AP4S1: variants seen among roughly 807,000 people sequenced by gnomAD.
The protein encoded by AP4S1 is adaptor related protein complex 4 subunit sigma 1, also known as AP-4 complex subunit sigma-1.
A neutral mutation model predicts 19.8 loss-of-function variants in AP4S1; 23 were observed. The ratio of observed to expected loss-of-function variants is 1.16; its 90% CI spans 0.84 to 1.65. The LOEUF (loss-of-function observed/expected upper bound fraction) is 1.65. Among genes scored for constraint, AP4S1 ranks in the 40% most tolerant of loss-of-function variants. AP4S1 has a pLI of 0.00. For missense variants in AP4S1, 166 were observed against 172.8 expected (o/e 0.96, Z 0.22); for synonymous variants, 46 against 54.1 (o/e 0.85, Z 0.66).
In AP4S1 at chr14:31,066,202, A is replaced by T. The variant is rs886622969; in HGVS notation, c.6A>T (p.Ile2=). 9.9e-6 allele frequency: 16 copies of T among 1,613,834 alleles called. No individual in the cohort carries two copies. Among genetic ancestry groups the T allele is most frequent in the Non-Finnish European group, 1.3e-5 (15 of 1,179,946 alleles). ...ATACTGGCCAGGAAAGAAAAATGAT[A>T]AAATTTTTCCTCATGGTGAATAAAC... is the stretch of plus-strand genomic sequence containing the variant. M[I]KFFLMVNKQG... is the part of the protein sequence containing the mutation. Residue 2 remains isoleucine (I), a synonymous_variant, in exon 2 of 6, where the codon ATA becomes ATT. Transcript: ENST00000542754.
upstream of AP4S1, chr14:31,025,596 A>G (rs1883795921): frequency 2.2e-6 from 1 of 460,654 alleles, no homozygotes; most frequent in Non-Finnish European, 4.0e-6. Flanking sequence ...GCTCGGTCCC[A>G]AGCCCCGGAG....
chr14:31,037,071 G>A lies in AP4S1; in HGVS notation c.-72+11284G>A, dbSNP rs111991169. ...TTCTGATCTGCCTGCCTCGGCCTCC[G>A]AAAGTGCTGGGATTACAGGTGTCAG... is the stretch of plus-strand genomic sequence containing the variant. On this transcript the variant is annotated intron_variant, in intron 1 of 5. Transcript: ENST00000542754. Among the ~76,000 whole-genome samples, 15 of 151,692 alleles carry A rather than the reference G, an allele frequency of 9.9e-5. 1 individual carries two copies. The highest frequency in any genetic ancestry group is 2.2e-4 in the African/African-American group (9 of 41,316).
At chr14:31,032,088 A>G (rs926924803) in intron 1 of AP4S1, among the ~76,000 whole-genome samples, 49 of 151,530 alleles carry the variant, frequency 3.2e-4, no homozygotes, top group African/African-American at 1.1e-3. Context: ...AAAAAAAAAA[A>G]AAAGAAAAAA....
intron 5 of AP4S1, chr14:31,085,157 C>G (rs1887864927): frequency 1.6e-6 from 2 of 1,224,160 alleles, no homozygotes; most frequent in Non-Finnish European, 2.1e-6. Flanking sequence ...CTTTCCCCAT[C>G]ATGGGGCAGA....
At position 31,072,925 on chromosome 14, in the gene AP4S1, A is replaced by G. The variant is rs1887093159; in HGVS notation, c.246A>G (p.Glu82=). The G allele has an allele frequency of 6.2e-7, 1 of 1,613,710 alleles. No individual in the cohort carries two copies. The highest frequency in any genetic ancestry group is 8.5e-7 in the Non-Finnish European group (1 of 1,179,668). The change falls in exon 4 of 6, where the codon GAA becomes GAG. Residue 82 remains glutamate, a synonymous_variant. Transcript: ENST00000542754. ...TGTAGAACGAGATGGCTATTTATGAATTCATTCATAACTTTGTGGAAGTTT... is the reference window on the plus strand; with the variant it reads ...TGTAGAACGAGATGGCTATTTATGAGTTCATTCATAACTTTGTGGAAGTTT... ...NDTENEMAIY[E]FIHNFVEVLD...
At chr14:31,031,602 T>C (rs1884391915) in intron 1 of AP4S1, among the ~76,000 whole-genome samples, 1 of 152,216 alleles carries the variant, frequency 6.6e-6, no homozygotes, top group African/African-American at 2.4e-5. Context: ...TGGAAAAATA[T>C]TTTGTAAACT....
intron 1 of AP4S1, among the ~76,000 whole-genome samples, chr14:31,036,110 C>A (rs953362804): frequency 2.0e-5 from 3 of 151,580 alleles, no homozygotes; most frequent in African/African-American, 7.3e-5. Flanking sequence ...ATTATTTCCT[C>A]CTCCATATTT....
intron 2 of AP4S1, among the ~76,000 whole-genome samples, chr14:31,067,029 G>T (rs1886754787): frequency 6.6e-6 from 1 of 152,124 alleles, no homozygotes; most frequent in Admixed American, 6.6e-5. Flanking sequence ...GAGGTCAGAA[G>T]TTCAAGACCA....
intron 1 of AP4S1, among the ~76,000 whole-genome samples, chr14:31,056,356 C>A (rs1487310403): frequency 6.6e-6 from 1 of 150,914 alleles, no homozygotes; most frequent in Non-Finnish European, 1.5e-5. Context: ...TGTTTTTTTT[C>A]TTTTCTTTCT....
intron 1 of AP4S1, among the ~76,000 whole-genome samples, chr14:31,028,131 G>T (rs1169528268): frequency 6.6e-6 from 1 of 151,980 alleles, no homozygotes; most frequent in Non-Finnish European, 1.5e-5. Flanking sequence ...TGAGATCTTA[G>T]ATTGCAGTAC....
chr14:31,073,359 G>A lies in AP4S1; in HGVS notation c.294+386G>A, dbSNP rs1310898023. 4.9e-4 allele frequency among the ~76,000 whole-genome samples: 65 copies of A among 132,272 alleles called. 4 individuals are homozygous for A. Among genetic ancestry groups the A allele is most frequent in the South Asian group, 2.2e-3 (9 of 4,058 alleles). 86.8% of individuals were successfully genotyped at this position (132,272 alleles called of 152,430 possible). ...CAAAAAATTAGCTGGGCGTGGTGGT[G>A]GGCGCCTGTAGTCCCAGCTACTCCG... is the stretch of plus-strand genomic sequence containing the variant. On this transcript the variant is annotated intron_variant, in intron 4 of 5. Coordinates refer to ENST00000542754, the MANE Select transcript of AP4S1 (RefSeq NM_001128126.3).
chr14:31,053,600 T>C lies in AP4S1; in HGVS notation c.-71-12526T>C, dbSNP rs1371735366. On this transcript the variant is annotated intron_variant, in intron 1 of 5. Coordinates refer to ENST00000542754, the MANE Select transcript of AP4S1 (RefSeq NM_001128126.3). Reference sequence around the variant, plus strand: ...TTAGTGACTTTTTTCTTTTTTTTTTTTTTTTTTTTTTTTTTTTTGTAGAGA... The same window carrying C: ...TTAGTGACTTTTTTCTTTTTTTTTTCTTTTTTTTTTTTTTTTTTGTAGAGA... Among the ~76,000 whole-genome samples, 66 of 132,820 alleles carry C rather than the reference T, an allele frequency of 5.0e-4. 1 individual carries two copies. The highest frequency in any genetic ancestry group is 8.1e-4 in the Non-Finnish European group (50 of 62,042). The allele number at this position is 132,820 out of a possible 152,430, so 87.1% of individuals were successfully genotyped here.
intron 1 of AP4S1, among the ~76,000 whole-genome samples, chr14:31,055,889 G>T (rs1446355788): frequency 6.6e-6 from 1 of 151,040 alleles, no homozygotes; most frequent in Non-Finnish European, 1.5e-5. Flanking sequence ...TGTTACCCAG[G>T]CTGGAGTGCA....
At chr14:31,073,426 C>G (rs1394847919) in intron 4 of AP4S1, among the ~76,000 whole-genome samples, 1 of 137,766 alleles carries the variant, frequency 7.3e-6, no homozygotes, top group Non-Finnish European at 1.6e-5. Context: ...GGAGGCGGAG[C>G]TTGCAGTGAG....
intron 4 of AP4S1, among the ~76,000 whole-genome samples, chr14:31,077,805 G>A (rs1448044012): frequency 3.4e-5 from 5 of 147,280 alleles, no homozygotes; most frequent in South Asian, 4.3e-4. Flanking sequence ...GCGCGATCTC[G>A]GCTCACTGCA....
chr14:31,047,642 G>A (rs1316553202), intron 1 of AP4S1, among the ~76,000 whole-genome samples: 8 of 152,060 alleles, frequency 5.3e-5, no homozygotes, highest in East Asian at 3.9e-4. Flanking sequence ...TGATTCGCCC[G>A]CCTCAGCCTC....
At chr14:31,089,191 A>G (rs767328057) in intron 5 of AP4S1, among the ~76,000 whole-genome samples, 24 of 151,926 alleles carry the variant, frequency 1.6e-4, no homozygotes, top group Non-Finnish European at 3.2e-4. Context: ...AGTGAACAGA[A>G]GACTATACTA....
rs536894439 is a variant in AP4S1 at position 31,035,473 on chromosome 14, A to G, written c.-72+9686A>G. On this transcript the variant is annotated intron_variant, in intron 1 of 5. Transcript: ENST00000542754. ...CCCAAAGTGCTAGGATTACAGGTGT[A>G]AGCAACCACGCCCAGCCAGTAATTC... 8.9e-4 allele frequency among the ~76,000 whole-genome samples: 135 copies of G among 151,798 alleles called. No individual in the cohort carries two copies. The South Asian group carries it at 0.013, about 14-fold the overall frequency.
chr14:31,086,868 A>T (rs1566548124), intron 5 of AP4S1, among the ~76,000 whole-genome samples: 3 of 151,590 alleles, frequency 2.0e-5, no homozygotes, highest in African/African-American at 4.9e-5. Context: ...ATGTAAAAAA[A>T]TTTTTTTACA....
Sources: gnomAD v4.1 joint callset for allele counts (sites outside exome capture counted in the v4.1 genomes callset) on GRCh38, gnomAD v4.1.1 for gene constraint, MANE v1.5 for transcripts, NCBI Gene and HGNC (gene_info 2026-07-23, HGNC 2026-07-21) for gene names.